KIF16B: variants seen among roughly 807,000 people sequenced by gnomAD.
KIF16B encodes the protein kinesin family member 16B.
KIF16B carries 98 observed loss-of-function variants against 156.3 expected under a neutral mutation model. The ratio of observed to expected loss-of-function variants is 0.63; its 90% CI spans 0.53 to 0.74. The LOEUF (loss-of-function observed/expected upper bound fraction) is 0.74, where lower values mean the gene tolerates loss of function less well. KIF16B is among the 30% of genes least tolerant of loss of function. KIF16B has a pLI of 0.00. For missense variants in KIF16B, 1,421 were observed against 1,606.5 expected, an observed-to-expected ratio of 0.88 and a Z score of 1.97; for synonymous variants, 564 against 583.7, an observed-to-expected ratio of 0.97 and a Z score of 0.49.
intron 1 of KIF16B, among the ~76,000 whole-genome samples, chr20:16,571,627 A>T (rs1466645305): frequency 6.6e-6 from 1 of 151,754 alleles, no homozygotes; most frequent in Non-Finnish European, 1.5e-5. Flanking sequence ...GTGCTTAACA[A>T]ATACTTTTTT....
intron 12 of KIF16B, among the ~76,000 whole-genome samples, chr20:16,440,537 AC>A (rs2066767713): frequency 1.3e-4 from 1 of 7,446 alleles, no homozygotes; most frequent in Non-Finnish European, 2.3e-4. Context: ...GCGCGCGCAC[AC>A]ACACACACAC....
At chr20:16,425,661 T>C (rs1051169643) in intron 15 of KIF16B, among the ~76,000 whole-genome samples, 1 of 152,128 alleles carries the variant, frequency 6.6e-6, no homozygotes. Context: ...GCCTGGCAGC[T>C]GCACCTTAGT....
intron 23 of KIF16B, among the ~76,000 whole-genome samples, chr20:16,339,090 A>G (rs774317816): frequency 1.2e-4 from 18 of 152,328 alleles, no homozygotes; most frequent in Middle Eastern, 6.8e-3. Context: ...ATGGAGTAAT[A>G]TGACAGAAAG....
rs2067986190 is a variant in KIF16B at position 16,481,622 on chromosome 20, C to T, written c.1302+12669G>A. ...CCATCAAATCTGCTGGGAATGCCAG[C>T]ACACTTTCACTCTAATTACGAGAAC... On this transcript the variant is annotated intron_variant, in intron 12 of 25. Transcript: ENST00000354981. Among the ~76,000 whole-genome samples the T allele has an allele frequency of 4.6e-5, 7 of 152,178 alleles. No individual in the cohort carries two copies. In the South Asian group the frequency reaches 1.4e-3, roughly 32 times the overall value.
intron 19 of KIF16B, among the ~76,000 whole-genome samples, chr20:16,377,872 A>C (rs2064992136): frequency 6.6e-6 from 1 of 152,204 alleles, no homozygotes; most frequent in Non-Finnish European, 1.5e-5. Context: ...AAATAGGTGA[A>C]GGAAGATAAA....
intron 1 of KIF16B, among the ~76,000 whole-genome samples, chr20:16,567,308 G>C (rs544357131): frequency 6.6e-6 from 1 of 152,138 alleles, no homozygotes; most frequent in East Asian, 1.9e-4. Flanking sequence ...CTATATGGTC[G>C]CTGGCAATAT....
chr20:16,311,346 G>C (rs1288313050), intron 25 of KIF16B, among the ~76,000 whole-genome samples: 2 of 152,090 alleles, frequency 1.3e-5, no homozygotes, highest in African/African-American at 2.4e-5. Flanking sequence ...AAAATTAGCT[G>C]GGCATGGTGG....
intron 5 of KIF16B, among the ~76,000 whole-genome samples, chr20:16,512,417 G>A: frequency 6.6e-6 from 1 of 152,126 alleles, no homozygotes; most frequent in East Asian, 1.9e-4. Flanking sequence ...ATTTCAAGGA[G>A]GAAAAAGCAC....
At chr20:16,328,376 T>C (rs2063892213) in intron 24 of KIF16B, among the ~76,000 whole-genome samples, 1 of 152,338 alleles carries the variant, frequency 6.6e-6, no homozygotes, top group Middle Eastern at 3.4e-3. Flanking sequence ...TTAGTTATGA[T>C]GAAGACAAGC....
chr20:16,378,450 A>T (rs1196403337), intron 19 of KIF16B, among the ~76,000 whole-genome samples: 1 of 152,078 alleles, frequency 6.6e-6, no homozygotes, highest in African/African-American at 2.4e-5. Context: ...CAGGCAAGGG[A>T]GATAAGAAAG....
rs368509112 is a variant in KIF16B, at chr20:16,325,679, A to T, written c.3711+10247T>A. 3.3e-5 allele frequency among the ~76,000 whole-genome samples: 5 copies of T among 152,280 alleles called. No homozygotes were observed. The East Asian group carries it at 9.6e-4, about 29-fold the overall frequency. Reference sequence around the variant, plus strand: ...ACAAATGGAAACACATCCCATGCTCATAAATGGGTAGAATCAATATTGTGA... The same window carrying T: ...ACAAATGGAAACACATCCCATGCTCTTAAATGGGTAGAATCAATATTGTGA... On this transcript the variant is annotated intron_variant, in intron 24 of 25. Transcript: ENST00000354981.
chr20:16,481,091 G>C (rs1481732705), intron 12 of KIF16B, among the ~76,000 whole-genome samples: 1 of 151,970 alleles, frequency 6.6e-6, no homozygotes, highest in African/African-American at 2.4e-5. Flanking sequence ...CAAAAATAGA[G>C]ATTTGGGGGT....
intron 16 of KIF16B, among the ~76,000 whole-genome samples, chr20:16,405,179 G>A (rs931575184): frequency 1.3e-5 from 2 of 152,114 alleles, no homozygotes; most frequent in South Asian, 2.1e-4. Flanking sequence ...CTCCCCTGCC[G>A]GTTAAAGTCA....
intron 25 of KIF16B, among the ~76,000 whole-genome samples, chr20:16,282,032 CTTTTT>C (rs11478755): frequency 1.7e-5 from 2 of 120,858 alleles, no homozygotes; most frequent in Admixed American, 8.5e-5. Flanking sequence ...TTTTCTGTTT[CTTTTT>C]TTTTTTTTTT....
At chr20:16,427,586 T>C (rs1377270312) in intron 14 of KIF16B, among the ~76,000 whole-genome samples, 1 of 152,098 alleles carries the variant, frequency 6.6e-6, no homozygotes, top group African/African-American at 2.4e-5. Context: ...TGATACTGAA[T>C]AAATTTCCTC....
At chr20:16,409,114 T>C (rs746213180) in intron 15 of KIF16B, among the ~76,000 whole-genome samples, 10 of 152,166 alleles carry the variant, frequency 6.6e-5, no homozygotes, top group Non-Finnish European at 1.3e-4. Flanking sequence ...AAGAACTGTG[T>C]CCTGGGCTCA....
At chr20:16,399,279 T>A (rs1033517708) in intron 17 of KIF16B, among the ~76,000 whole-genome samples, 1 of 152,062 alleles carries the variant, frequency 6.6e-6, no homozygotes, top group African/African-American at 2.4e-5. Context: ...GGAGCACAGG[T>A]CTGGGGTGAC....
chr20:16,368,536 C>T (rs1445562056), intron 22 of KIF16B: 17 of 985,886 alleles, frequency 1.7e-5, no homozygotes, highest in Non-Finnish European at 2.0e-5. Flanking sequence ...CACCTTTGTG[C>T]CAGCCTGAAG....
At chr20:16,434,506 T>TA in intron 12 of KIF16B, among the ~76,000 whole-genome samples, 1 of 804 alleles carries the variant, frequency 1.2e-3, no homozygotes, top group East Asian at 0.071. Context: ...CAAAAATCTA[T>TA]TTTTTCCCCC....
Sources: gnomAD v4.1 joint callset for allele counts (sites outside exome capture counted in the v4.1 genomes callset) on GRCh38, gnomAD v4.1.1 for gene constraint, MANE v1.5 for transcripts, NCBI Gene and HGNC (gene_info 2026-07-23, HGNC 2026-07-21) for gene names.